PTGIS: variants seen among roughly 807,000 people sequenced by gnomAD.
The protein encoded by PTGIS is prostacyclin synthase.
Under a neutral mutation model 50.3 loss-of-function variants are expected in PTGIS, and 45 were observed. The observed-to-expected ratio is 0.90, with a 90% confidence interval of 0.70 to 1.15. The LOEUF (loss-of-function observed/expected upper bound fraction) is 1.15. PTGIS is among the 50% of genes most tolerant of loss of function. The probability of loss-of-function intolerance (pLI) is 0.00; values close to 1 mark genes in which losing one functional copy is unlikely to be tolerated. For missense variants in PTGIS, 668 were observed against 661.3 expected, an observed-to-expected ratio of 1.01 and a Z score of -0.11; for synonymous variants, 260 against 267.7, an observed-to-expected ratio of 0.97 and a Z score of 0.28.
At position 49,544,338 on chromosome 20, in the gene PTGIS, C is replaced by G. The variant is rs1982303678; in HGVS notation, c.488G>C (p.Gly163Ala). Residue 163 changes from glycine to alanine, a missense_variant, in exon 4 of 10, where the codon GGT becomes GCT. Coordinates refer to ENST00000244043, the MANE Select transcript of PTGIS (RefSeq NM_000961.4). ...GAAGCTGTAGGAGAAGTCGAGGAGA[C>G]CCATCTCGTGCCAGCCACTGCCTGC... Reference protein sequence around the residue: ...TEAGSGWHEMGLLDFSYSFLL... With the variant: ...TEAGSGWHEMALLDFSYSFLL... The G allele has an allele frequency of 1.2e-6, 2 of 1,614,052 alleles. No individual in the cohort carries two copies. The highest frequency in any genetic ancestry group is 2.7e-5 in the African/African-American group (2 of 74,924).
At position 49,544,430 on chromosome 20, in the gene PTGIS, C is replaced by G; in HGVS notation, c.396G>C (p.Glu132Asp). The G allele has an allele frequency of 6.2e-7, 1 of 1,614,130 alleles. No homozygotes were observed. The highest frequency in any genetic ancestry group is 8.5e-7 in the Non-Finnish European group (1 of 1,180,028). ...ARMKLTLLHR[E>D]LQALTEAMYT... ...ACATGGCTTCTGTGAGTGCCTGGAGCTCTCTGTGGAGAAGAGTCCTGAGGC... is the reference window on the plus strand; with the variant it reads ...ACATGGCTTCTGTGAGTGCCTGGAGGTCTCTGTGGAGAAGAGTCCTGAGGC... The change falls in exon 4 of 10, where the codon GAG becomes GAC. Residue 132 changes from glutamate to aspartate, a missense_variant. Transcript: ENST00000244043.
chr20:49,517,533 CCACGGAGCCTTG>C (rs1981519854), intron 6 of PTGIS, among the ~76,000 whole-genome samples: 1 of 152,100 alleles, frequency 6.6e-6, no homozygotes. Context: ...GAGCTTTCAC[CCACGGAGCCTTG>C]CCTCCGTTTA....
intron 4 of PTGIS, among the ~76,000 whole-genome samples, chr20:49,541,038 G>T (rs985727166): frequency 2.0e-5 from 3 of 152,230 alleles, no homozygotes; most frequent in African/African-American, 7.2e-5. Context: ...CCTGCACAGT[G>T]GTGGCAGAAG....
chr20:49,552,067 T>C (rs963502415), intron 1 of PTGIS, among the ~76,000 whole-genome samples: 4 of 152,176 alleles, frequency 2.6e-5, no homozygotes, highest in African/African-American at 9.6e-5. Context: ...GAGAAACCTC[T>C]GTTTTTCCTT....
In PTGIS at chr20:49,508,034, G is replaced by C; in HGVS notation, c.1389C>G (p.Asp463Glu). ...QFVFLVLVHL[D>E]LELINADVEI... is the part of the protein sequence containing the mutation. ...CCACATCTGCGTTGATCAGCTCCAAGTCCAAGTGCACCAGCACAAGGAACA... is the reference window on the plus strand; with the variant it reads ...CCACATCTGCGTTGATCAGCTCCAACTCCAAGTGCACCAGCACAAGGAACA... The change falls in exon 10 of 10, where the codon GAC becomes GAG. Residue 463 changes from aspartate (D) to glutamate (E), a missense_variant. Physicochemically the swap from Asp to Glu is conservative, Grantham distance 45 (BLOSUM62 2). Coordinates refer to ENST00000244043, the MANE Select transcript of PTGIS (RefSeq NM_000961.4). The C allele has an allele frequency of 6.2e-7, 1 of 1,613,970 alleles. No individual in the cohort carries two copies. The highest frequency in any genetic ancestry group is 8.5e-7 in the Non-Finnish European group (1 of 1,180,044).
intron 1 of PTGIS, among the ~76,000 whole-genome samples, chr20:49,552,737 C>T (rs1369008692): frequency 2.6e-5 from 4 of 152,114 alleles, no homozygotes; most frequent in Non-Finnish European, 4.4e-5. Flanking sequence ...AAAAACGATA[C>T]AGAAAGTCAC....
intron 5 of PTGIS, among the ~76,000 whole-genome samples, chr20:49,532,494 C>T (rs188311266): frequency 4.7e-4 from 72 of 152,196 alleles, no homozygotes; most frequent in African/African-American, 1.7e-3. Flanking sequence ...AGTTTTCTTG[C>T]CTGTAAATTG....
rs117226622 is a variant in PTGIS, at chr20:49,510,732, T to C, written c.1358+296A>G. ...AGCAGCTGCAGACGGGTAGCTACGG[T>C]CAGCTGAAAGGAATGTCCAGTATTT... is the stretch of plus-strand genomic sequence containing the variant. On this transcript the variant is annotated intron_variant, in intron 9 of 9. Coordinates refer to ENST00000244043, the MANE Select transcript of PTGIS (RefSeq NM_000961.4). Among the ~76,000 whole-genome samples, 694 of 152,192 alleles carry C rather than the reference T, an allele frequency of 4.6e-3. 1 individual carries two copies. Among genetic ancestry groups the C allele is most frequent in the Non-Finnish European group, 7.5e-3 (508 of 68,008 alleles).
intron 7 of PTGIS, among the ~76,000 whole-genome samples, chr20:49,513,576 A>G (rs1013615841): frequency 6.6e-6 from 1 of 152,064 alleles, no homozygotes; most frequent in Non-Finnish European, 1.5e-5. Flanking sequence ...TGCCCGGCAT[A>G]TATTTCTCTT....
At chr20:49,538,256 GAAAAAAAAAAAAAAAA>G (rs58986753) in intron 5 of PTGIS, among the ~76,000 whole-genome samples, 11 of 30,290 alleles carry the variant, frequency 3.6e-4, no homozygotes, top group Admixed American at 2.3e-3. Context: ...CCCTGGTTCA[GAAAAAAAAAAAAAAAA>G]AAAAAAAAAA....
intron 5 of PTGIS, among the ~76,000 whole-genome samples, chr20:49,539,324 G>A (rs769794020): frequency 6.6e-5 from 10 of 152,142 alleles, no homozygotes; most frequent in African/African-American, 9.7e-5. Context: ...CACACACACA[G>A]AGATTCTCCA....
At chr20:49,535,994 G>A (rs1259362139) in intron 5 of PTGIS, among the ~76,000 whole-genome samples, 1 of 152,142 alleles carries the variant, frequency 6.6e-6, no homozygotes, top group Non-Finnish European at 1.5e-5. Flanking sequence ...GGTTTCTCTT[G>A]TTTAATTGCA....
At chr20:49,538,493 A>G (rs903592913) in intron 5 of PTGIS, among the ~76,000 whole-genome samples, 1 of 152,106 alleles carries the variant, frequency 6.6e-6, no homozygotes, top group Non-Finnish European at 1.5e-5. Context: ...CATCAAGTTG[A>G]GTGAAAGAAG....
rs138058562 is a variant in PTGIS, at chr20:49,539,588, G to C, written c.655C>G (p.Arg219Gly). Reference protein sequence around the residue: ...QLDRLLPKLARGSLSVGDKDH... With the variant: ...QLDRLLPKLAGGSLSVGDKDH... ...TGCTTACCCACTGACAGGGAGCCAC[G>C]GGCCAGTTTGGGGAGCAGCCGGTCG... The change falls in exon 5 of 10, where the codon CGT (arginine) becomes GGT (glycine). Residue 219 changes from arginine to glycine, a missense_variant. By Grantham distance (125) the Arg-to-Gly change is moderately radical. Coordinates refer to ENST00000244043, the MANE Select transcript of PTGIS (RefSeq NM_000961.4). 6.2e-7 allele frequency: 1 copy of C among 1,613,774 alleles called. No individual in the cohort carries two copies. Among genetic ancestry groups the C allele is most frequent in the South Asian group, 1.1e-5 (1 of 90,954 alleles).
intron 1 of PTGIS, among the ~76,000 whole-genome samples, chr20:49,561,760 T>C (rs1982783021): frequency 6.6e-6 from 1 of 152,154 alleles, no homozygotes; most frequent in South Asian, 2.1e-4. Context: ...ACTGACTGCA[T>C]TGGGCTGTGC....
rs1981188701 is a variant in PTGIS, at chr20:49,507,614, T to G, written c.*306A>C. 2 of 444,536 alleles carry G rather than the reference T, an allele frequency of 4.5e-6. No individual in the cohort carries two copies. Among genetic ancestry groups the G allele is most frequent in the Admixed American group, 6.9e-5 (2 of 29,072 alleles). The allele number at this position is 444,536 out of a possible 1,614,324, so 27.5% of individuals were successfully genotyped here. The stretch of plus-strand genomic sequence containing the variant: ...GCAGAGCAGTGAAGACTCCTAGTTC[T>G]GCCTTATCTGAATAGCATTTGTGGA... On this transcript the variant is annotated 3_prime_UTR_variant, in exon 10 of 10. Transcript: ENST00000244043.
At chr20:49,531,487 T>C (rs1981934581) in intron 5 of PTGIS, among the ~76,000 whole-genome samples, 1 of 152,176 alleles carries the variant, frequency 6.6e-6, no homozygotes, top group South Asian at 2.1e-4. Flanking sequence ...TACGGAGAAA[T>C]GCAACTATTT....
At chr20:49,511,251 A>T (rs1981312962) in intron 8 of PTGIS, 72 bp from the exon 9 acceptor site, 2 of 1,565,818 alleles carry the variant, frequency 1.3e-6, no homozygotes, top group South Asian at 2.2e-5. Flanking sequence ...ATGTATGAGG[A>T]TGTTCATGAC....
chr20:49,560,080 C>T (rs1194335114), intron 1 of PTGIS, among the ~76,000 whole-genome samples: 12 of 151,804 alleles, frequency 7.9e-5, no homozygotes, highest in South Asian at 6.2e-4. Flanking sequence ...CCCGCCACCA[C>T]GCCCGGCCAA....
Sources: allele counts gnomAD v4.1 joint callset (sites outside exome capture counted in the v4.1 genomes callset), GRCh38; gene constraint gnomAD v4.1.1; transcripts MANE v1.5; gene names NCBI Gene and HGNC (gene_info 2026-07-23, HGNC 2026-07-21).